PDE10A: variants seen among roughly 807,000 people sequenced by gnomAD.
PDE10A encodes phosphodiesterase 10A.
Under a neutral mutation model 97.7 loss-of-function variants are expected in PDE10A, and 39 were observed. The observed-to-expected ratio is 0.40, with a 90% CI of 0.31 to 0.52. PDE10A has a LOEUF of 0.52. Among genes scored for constraint, PDE10A ranks in the 20% least tolerant of loss-of-function variants. The pLI is 0.56. For missense variants in PDE10A, 731 were observed against 1,047.8 expected (o/e 0.70, Z 4.17); for synonymous variants, 371 against 376.8 (o/e 0.98, Z 0.18).
At position 165,388,484 on chromosome 6, in the gene PDE10A, C is replaced by A; in HGVS notation, c.2455-31G>T. ...AAAAATAATATGATGCAGAGATGCT[C>A]AAAACACAGAAACACACATGAGCAG... is the stretch of plus-strand genomic sequence containing the variant. On this transcript the variant is annotated intron_variant, in intron 16 of 21. Transcript: ENST00000539869. The surrounding 1 kb of genome is among the most constrained non-coding windows in gnomAD (Gnocchi z 4.0). 1 of 1,607,548 alleles carries A rather than the reference C, an allele frequency of 6.2e-7. No individual in the cohort carries two copies. Among genetic ancestry groups the A allele is most frequent in the South Asian group, 1.1e-5 (1 of 90,874 alleles).
chr6:165,802,014 A>C (rs560405099), intron 1 of PDE10A, among the ~76,000 whole-genome samples: 1 of 152,332 alleles, frequency 6.6e-6, no homozygotes, highest in Admixed American at 6.5e-5. Context: ...TCTGTCATAA[A>C]GTGAGGACAG....
At position 165,618,956 on chromosome 6, in the gene PDE10A, AGT is replaced by A. The variant is rs1481218732; in HGVS notation, c.865+42989_865+42990del. 9.5e-3 allele frequency among the ~76,000 whole-genome samples: 1,230 copies of A among 129,062 alleles called. 21 individuals are homozygous for A. The highest frequency in any genetic ancestry group is 0.054 in the African/African-American group (1,164 of 21,540). 84.7% of individuals were successfully genotyped at this position (129,062 alleles called of 152,430 possible). On this transcript the variant is annotated intron_variant, in intron 1 of 21. Transcript: ENST00000539869. ...AGTCTAGTGTAGTCTAGTGTAGTGC[AGT>A]GTAGACTAGTGTAGTGTAGTCTAGT...
At chr6:165,681,266 G>A (rs1312341137) in intron 1 of PDE10A, among the ~76,000 whole-genome samples, 5 of 152,154 alleles carry the variant, frequency 3.3e-5, no homozygotes, top group Non-Finnish European at 7.3e-5. Flanking sequence ...GTGCAAAAAG[G>A]AATTTAAGAA....
intron 7 of PDE10A, among the ~76,000 whole-genome samples, chr6:165,432,351 T>C (rs1284472731): frequency 7.2e-5 from 11 of 151,776 alleles, no homozygotes; most frequent in East Asian, 1.9e-4. Flanking sequence ...GGGGGATAAG[T>C]GGAGAGAAGA....
chr6:165,417,818 C>A (rs1186101750), intron 11 of PDE10A, among the ~76,000 whole-genome samples: 3 of 152,110 alleles, frequency 2.0e-5, no homozygotes, highest in African/African-American at 7.2e-5. Flanking sequence ...TGATAGAACG[C>A]CCAAATAAAC....
At chr6:165,406,941 G>A (rs1193194313) in intron 13 of PDE10A, among the ~76,000 whole-genome samples, 1 of 152,032 alleles carries the variant, frequency 6.6e-6, no homozygotes, top group Non-Finnish European at 1.5e-5. Flanking sequence ...TCAAGCCTTT[G>A]GCCTCTGACT....
intron 1 of PDE10A, among the ~76,000 whole-genome samples, chr6:165,861,535 T>C (rs1287722775): frequency 1.3e-5 from 2 of 151,866 alleles, no homozygotes; most frequent in Non-Finnish European, 2.9e-5. Context: ...TAGGGCAGGC[T>C]GCAGTCAGCA....
intron 1 of PDE10A, among the ~76,000 whole-genome samples, chr6:165,960,800 G>T (rs62425369): frequency 2.6e-5 from 4 of 152,188 alleles, no homozygotes; most frequent in Non-Finnish European, 5.9e-5. Context: ...GGCAGGGAGC[G>T]GGGTGGGAAG....
chr6:165,581,086 C>T (rs73022136), intron 1 of PDE10A, among the ~76,000 whole-genome samples: 2,782 of 152,176 alleles, frequency 0.018, 55 homozygotes, highest in Non-Finnish European at 0.028. Context: ...TATGGTGACA[C>T]CATGGAGAAA....
In PDE10A at chr6:165,943,318, GGAAA is replaced by G. The variant is rs1326713891; in HGVS notation, c.-615+44207_-615+44210del. ...AGGAAAGAAAGAAAGAAGGAAGGAA[GGAAA>G]GAAAGAAAAAGAAAGAAAGAAAAGA... On this transcript the variant is annotated intron_variant, in intron 1 of 19. Coordinates refer to the PDE10A transcript ENST00000366882. Among the ~76,000 whole-genome samples, 15 of 66,984 alleles carry G rather than the reference GGAAA, an allele frequency of 2.2e-4. 2 individuals are homozygous for G. The highest frequency in any genetic ancestry group is 1.2e-3 in the African/African-American group (15 of 12,496). 43.9% of individuals were successfully genotyped at this position (66,984 alleles called of 152,430 possible). A position where few individuals can be genotyped will look rare whatever the true frequency, so the allele number is the denominator to read the frequency against.
At chr6:165,739,156 A>G (rs1428436320) in intron 1 of PDE10A, among the ~76,000 whole-genome samples, 2 of 152,238 alleles carry the variant, frequency 1.3e-5, no homozygotes, top group Non-Finnish European at 2.9e-5. Flanking sequence ...TTCATATGGA[A>G]TCACAGGACC....
In PDE10A at chr6:165,967,832, A is replaced by AT. The variant is rs1338643098; in HGVS notation, c.-615+19696dup. On this transcript the variant is annotated intron_variant, in intron 1 of 19. Coordinates refer to the PDE10A transcript ENST00000366882. ...ACAAGAGAAGTGATTCCCATGTTTC[A>AT]TTTGATGTGTAAATAGATGGGTAGC... 3.1e-4 allele frequency among the ~76,000 whole-genome samples: 47 copies of AT among 152,306 alleles called. No individual in the cohort carries two copies. The South Asian group carries it at 4.4e-3, about 14-fold the overall frequency.
In PDE10A at chr6:165,622,481, G is replaced by A. The variant is rs551511807; in HGVS notation, c.865+39466C>T. The stretch of plus-strand genomic sequence containing the variant: ...CAGACTGTACAGCATGGTACTGTAC[G>A]GAATACTGTAGACAACTGTAACACA... On this transcript the variant is annotated intron_variant, in intron 1 of 21. Coordinates refer to ENST00000539869, the MANE Select transcript of PDE10A (RefSeq NM_001385079.1). 7.8e-4 allele frequency among the ~76,000 whole-genome samples: 119 copies of A among 152,224 alleles called. 1 individual carries two copies. The Middle Eastern group carries it at 0.014, about 17-fold the overall frequency.
intron 1 of PDE10A, among the ~76,000 whole-genome samples, chr6:165,980,989 C>G (rs1052470513): frequency 2.0e-5 from 3 of 152,044 alleles, no homozygotes; most frequent in African/African-American, 4.8e-5. Context: ...TTAAGCTAGC[C>G]ATAGAAGTGA....
At chr6:165,539,287 T>C (rs1283449649) in intron 2 of PDE10A, among the ~76,000 whole-genome samples, 1 of 152,132 alleles carries the variant, frequency 6.6e-6, no homozygotes, top group African/African-American at 2.4e-5. Flanking sequence ...AGCAATAAAA[T>C]TAAACTGAAA....
intron 1 of PDE10A, among the ~76,000 whole-genome samples, chr6:165,807,740 G>A (rs960236282): frequency 7.9e-5 from 12 of 152,058 alleles, no homozygotes; most frequent in South Asian, 2.1e-4. Context: ...TTGGCTTGCC[G>A]GCGGCAGTGG....
chr6:165,432,725 A>G (rs1412258608), intron 7 of PDE10A, among the ~76,000 whole-genome samples: 2 of 152,152 alleles, frequency 1.3e-5, no homozygotes, highest in African/African-American at 4.8e-5. Context: ...AGAGTACAGC[A>G]TACCTTTTAT....
intron 1 of PDE10A, among the ~76,000 whole-genome samples, chr6:165,891,509 A>G (rs146770944): frequency 1.1e-3 from 162 of 152,196 alleles, no homozygotes; most frequent in African/African-American, 3.7e-3. Flanking sequence ...TGGTAACCTC[A>G]CCAGGGTCTC....
Position 165,709,399 on chromosome 6 carries a change from G to A in PDE10A, c.-614-165831C>T, listed in dbSNP as rs371266264. Among the ~76,000 whole-genome samples, 22 of 115,070 alleles carry A rather than the reference G, an allele frequency of 1.9e-4. No individual in the cohort carries two copies. The East Asian group carries it at 3.9e-3, about 20-fold the overall frequency. 75.5% of individuals were successfully genotyped at this position (115,070 alleles called of 152,430 possible). On this transcript the variant is annotated intron_variant, in intron 1 of 19. Coordinates refer to the PDE10A transcript ENST00000366882. ...CCGTACCCTCCACCACCATGCTGCCGCGCTCCCTCCACTCTCCACCCCCAT... is the reference window on the plus strand; with the variant it reads ...CCGTACCCTCCACCACCATGCTGCCACGCTCCCTCCACTCTCCACCCCCAT...
Sources: gnomAD v4.1 joint callset for allele counts (sites outside exome capture counted in the v4.1 genomes callset) on GRCh38, gnomAD v4.1.1 for gene constraint, Gnocchi (gnomAD v3.1) non-coding constraint, MANE v1.5 for transcripts, NCBI Gene and HGNC (gene_info 2026-07-23, HGNC 2026-07-21) for gene names.